The following NREP variants were observed in gnomAD, a reference collection of about 807,000 sequenced individuals.
The protein encoded by NREP is neuronal regeneration-related protein.
NREP carries 5 observed loss-of-function variants against 8.6 expected under a neutral mutation model. The observed-to-expected ratio is 0.58, with a 90% confidence interval of 0.30 to 1.22. The LOEUF is 1.22. Ranked by LOEUF, NREP falls within the 50% of genes most tolerant of loss-of-function variation. NREP has a pLI of 0.07. For missense variants in NREP, 86 were observed against 82.5 expected (o/e 1.04, Z -0.17); for synonymous variants, 27 against 28.0 (o/e 0.96, Z 0.11).
chr5:111,913,215 T>C (rs62370288), intron 2 of NREP, among the ~76,000 whole-genome samples: 1,973 of 152,240 alleles, frequency 0.013, 24 homozygotes, highest in Non-Finnish European at 0.021. Flanking sequence ...ATAGGAGTCA[T>C]GGATCCCATG....
chr5:111,921,557 C>A (rs1407655752), intron 2 of NREP, among the ~76,000 whole-genome samples: 2 of 152,180 alleles, frequency 1.3e-5, no homozygotes, highest in East Asian at 3.9e-4. Flanking sequence ...AGAGCAACTG[C>A]TGCCAAGGAG....
intron 2 of NREP, among the ~76,000 whole-genome samples, chr5:111,777,684 T>C (rs1193182617): frequency 6.6e-6 from 1 of 152,044 alleles, no homozygotes; most frequent in East Asian, 1.9e-4. Context: ...TAACTTTGAG[T>C]GATCTAAGGA....
chr5:111,951,717 T>C (rs1464777404), intron 2 of NREP, among the ~76,000 whole-genome samples: 1 of 152,068 alleles, frequency 6.6e-6, no homozygotes, highest in Non-Finnish European at 1.5e-5. Context: ...AATATAAAAA[T>C]ATATTCATTC....
chr5:111,787,778 G>C (rs1289660827), intron 2 of NREP, among the ~76,000 whole-genome samples: 3 of 152,064 alleles, frequency 2.0e-5, no homozygotes, highest in African/African-American at 4.8e-5. Flanking sequence ...TATTGGTAAA[G>C]CTTAATTTCT....
At chr5:111,799,118 T>G (rs370227428) in intron 2 of NREP, among the ~76,000 whole-genome samples, 1 of 152,218 alleles carries the variant, frequency 6.6e-6, no homozygotes, top group Admixed American at 6.5e-5. Context: ...TTCTGTTCCA[T>G]TGGTCTATGT....
intron 2 of NREP, among the ~76,000 whole-genome samples, chr5:111,964,118 T>C (rs1364340052): frequency 6.6e-6 from 1 of 152,208 alleles, no homozygotes; most frequent in African/African-American, 2.4e-5. Context: ...TTCTCTTATG[T>C]ATGTAATAGC....
At chr5:111,876,162 A>G (rs1187172453) in intron 2 of NREP, among the ~76,000 whole-genome samples, 1 of 151,916 alleles carries the variant, frequency 6.6e-6, no homozygotes, top group Non-Finnish European at 1.5e-5. Context: ...AGCCCTTTTT[A>G]CTGGCACAGC....
chr5:111,971,188 A>G (rs1430334843), intron 2 of NREP, among the ~76,000 whole-genome samples: 1 of 152,224 alleles, frequency 6.6e-6, no homozygotes, highest in East Asian at 1.9e-4. Flanking sequence ...TTTTCTCATC[A>G]GACCTAATAA....
intron 2 of NREP, among the ~76,000 whole-genome samples, chr5:111,746,365 A>C (rs796926789): frequency 6.6e-6 from 1 of 152,168 alleles, no homozygotes; most frequent in South Asian, 2.1e-4. Flanking sequence ...AGTAAAAAAA[A>C]TATGCAAGGC....
chr5:111,773,828 T>C (rs1751292710), intron 2 of NREP, among the ~76,000 whole-genome samples: 1 of 152,060 alleles, frequency 6.6e-6, no homozygotes, highest in African/African-American at 2.4e-5. Context: ...GCACACAGAG[T>C]TTTATGTGTT....
chr5:111,820,782 G>C (rs1303694603), intron 2 of NREP, among the ~76,000 whole-genome samples: 2 of 152,124 alleles, frequency 1.3e-5, no homozygotes, highest in African/African-American at 4.8e-5. Flanking sequence ...AAGATATAAA[G>C]AATTTTTGTG....
At chr5:111,939,672 T>C (rs1305226017) in intron 2 of NREP, among the ~76,000 whole-genome samples, 1 of 152,098 alleles carries the variant, frequency 6.6e-6, no homozygotes, top group African/African-American at 2.4e-5. Flanking sequence ...CTTTTCATGA[T>C]CTATTTAGTA....
intron 2 of NREP, among the ~76,000 whole-genome samples, chr5:111,891,865 A>G (rs1410976426): frequency 6.6e-6 from 1 of 152,138 alleles, no homozygotes; most frequent in Non-Finnish European, 1.5e-5. Context: ...TCGTGAGCCA[A>G]TCACCTCCCC....
At position 111,830,930 on chromosome 5, in the gene NREP, C is replaced by G. The variant is rs543777705; in HGVS notation, c.136-95423G>C. On this transcript the variant is annotated intron_variant, in intron 2 of 3. Transcript: ENST00000395634. ...GTTACTTCTAAACTTGAAACTACAG[C>G]AGAAATTGATGTGTTATTTACTTGT... 7.2e-4 allele frequency among the ~76,000 whole-genome samples: 109 copies of G among 152,278 alleles called. 1 individual carries two copies. Among genetic ancestry groups the G allele is most frequent in the African/African-American group, 2.5e-3 (103 of 41,558 alleles).
intron 2 of NREP, among the ~76,000 whole-genome samples, chr5:111,821,929 T>C (rs1752522974): frequency 6.6e-6 from 1 of 152,136 alleles, no homozygotes; most frequent in African/African-American, 2.4e-5. Flanking sequence ...TTACGTAGAA[T>C]ATGCTGCTTT....
chr5:111,854,163 A>G (rs1322705787), intron 2 of NREP, among the ~76,000 whole-genome samples: 1 of 152,188 alleles, frequency 6.6e-6, no homozygotes, highest in Non-Finnish European at 1.5e-5. Flanking sequence ...AGAAAAATGT[A>G]GTTTCAAATA....
At chr5:111,955,391 G>T (rs1209505278) in intron 2 of NREP, among the ~76,000 whole-genome samples, 1 of 151,088 alleles carries the variant, frequency 6.6e-6, no homozygotes, top group Non-Finnish European at 1.5e-5. Flanking sequence ...ATAAATGCAG[G>T]CCATCCAGGA....
chr5:111,887,213 C>G (rs1754282500), intron 2 of NREP, among the ~76,000 whole-genome samples: 1 of 152,096 alleles, frequency 6.6e-6, no homozygotes, highest in South Asian at 2.1e-4. Flanking sequence ...TGTAAACTAC[C>G]ATGCCCAGTG....
chr5:111,755,636 A>C (rs1561650950), intron 2 of NREP, 134 bp downstream of exon 2: 3 of 967,628 alleles, frequency 3.1e-6, no homozygotes, highest in Non-Finnish European at 5.0e-6. Context: ...CAGGAACTGG[A>C]GATAGAACCT....
Sources: allele counts gnomAD v4.1 joint callset (sites outside exome capture counted in the v4.1 genomes callset), GRCh38; gene constraint gnomAD v4.1.1; transcripts MANE v1.5; gene names NCBI Gene and HGNC (gene_info 2026-07-23, HGNC 2026-07-21).